Variants in MFSD11 observed in about 807,000 individuals in gnomAD.
The protein encoded by MFSD11 is UNC93-like protein MFSD11.
In MFSD11, 36 loss-of-function variants were observed where a neutral mutation model predicts 53.5. That is an observed-to-expected ratio of 0.67 (90% CI 0.52 to 0.89). The LOEUF is 0.89. MFSD11 is among the 40% of genes least tolerant of loss of function. MFSD11 has a pLI of 0.00. For synonymous variants in MFSD11, 186 were observed against 184.9 expected (o/e 1.01, Z -0.05); for missense variants, 530 against 543.9 (o/e 0.97, Z 0.25).
chr17:76,771,273 TC>T (rs1414887060), intron 10 of MFSD11, among the ~76,000 whole-genome samples: 1 of 152,198 alleles, frequency 6.6e-6, no homozygotes, highest in Non-Finnish European at 1.5e-5. Context: ...ATAACTAATG[TC>T]CCTCGTATCA....
At chr17:76,779,950 G>C (rs1009140622), downstream of MFSD11, among the ~76,000 whole-genome samples, 2 of 152,184 alleles carry the variant, frequency 1.3e-5, no homozygotes, top group African/African-American at 4.8e-5. Context: ...CATCAGGCCA[G>C]TGTCACACCG....
At chr17:76,779,554 A>G (rs544321630), downstream of MFSD11, among the ~76,000 whole-genome samples, 2 of 151,976 alleles carry the variant, frequency 1.3e-5, no homozygotes, top group Non-Finnish European at 2.9e-5. Flanking sequence ...GCGTGATCTC[A>G]GCTCACTGCA....
At chr17:76,792,110 A>G in the MFSD11 span, among the ~76,000 whole-genome samples, 1 of 138,398 alleles carries the variant, frequency 7.2e-6, no homozygotes, top group African/African-American at 2.9e-5. Flanking sequence ...GTGCTTACCT[A>G]CATACCAGGC....
intron 8 of MFSD11, among the ~76,000 whole-genome samples, chr17:76,762,155 C>G (rs995901642): frequency 6.6e-6 from 1 of 152,106 alleles, no homozygotes; most frequent in Non-Finnish European, 1.5e-5. Flanking sequence ...ACCCATTCCT[C>G]TACTTTGTCT....
downstream of MFSD11, among the ~76,000 whole-genome samples, chr17:76,784,770 G>A (rs1309795726): frequency 1.3e-5 from 2 of 152,006 alleles, no homozygotes; most frequent in Admixed American, 1.3e-4. Context: ...ATGGTGGCAT[G>A]TGCCTGTAAT....
At chr17:76,769,975 C>G (rs1336777940) in intron 10 of MFSD11, 104 bp downstream of exon 10, 1 of 1,005,730 alleles carries the variant, frequency 9.9e-7, no homozygotes, top group East Asian at 2.9e-5. Context: ...TCTGTTTTTT[C>G]TACTTATTTT....
chr17:76,744,550 A>T, intron 7 of MFSD11, 84 bp downstream of exon 7: 1 of 1,239,282 alleles, frequency 8.1e-7, no homozygotes, highest in Non-Finnish European at 1.1e-6. Flanking sequence ...GTTTAGCCCT[A>T]ACTGATGTCC....
chr17:76,788,994 T>C, the MFSD11 span, among the ~76,000 whole-genome samples: 1 of 149,096 alleles, frequency 6.7e-6, no homozygotes, highest in East Asian at 2.0e-4. Flanking sequence ...ATATAAAAAT[T>C]AGCTGGGCAT....
At chr17:76,777,225 G>A (rs1245928383) in intron 12 of MFSD11, among the ~76,000 whole-genome samples, 2 of 147,444 alleles carry the variant, frequency 1.4e-5, no homozygotes, top group South Asian at 2.1e-4. Context: ...CCCAGACCGC[G>A]CCACTGCACT....
At chr17:76,787,325 C>T in the MFSD11 span, among the ~76,000 whole-genome samples, 113 of 145,236 alleles carry the variant, frequency 7.8e-4, 6 homozygotes, top group African/African-American at 2.6e-3. Flanking sequence ...TTAGTAGAGA[C>T]GGGGTTTCGC....
At chr17:76,748,134 C>T (rs1464096634) in intron 7 of MFSD11, 2 of 151,714 alleles carry the variant, frequency 1.3e-5, no homozygotes, top group African/African-American at 4.9e-5. Flanking sequence ...CTCCCTGAGA[C>T]GTGGCTGGTG....
intron 8 of MFSD11, among the ~76,000 whole-genome samples, chr17:76,759,978 C>T (rs774482028): frequency 4.6e-5 from 7 of 151,448 alleles, no homozygotes; most frequent in Admixed American, 3.3e-4. Context: ...TTAAGAAAAT[C>T]GTAAGGAGAC....
At chr17:76,803,625 T>G in the MFSD11 span, among the ~76,000 whole-genome samples, 1 of 152,046 alleles carries the variant, frequency 6.6e-6, no homozygotes, top group Non-Finnish European at 1.5e-5. Flanking sequence ...ACCTGGGAAT[T>G]GACTCCAGCA....
intron 7 of MFSD11, among the ~76,000 whole-genome samples, chr17:76,746,569 T>A (rs1203526840): frequency 2.0e-5 from 3 of 152,228 alleles, no homozygotes; most frequent in Non-Finnish European, 4.4e-5. Context: ...TGTTAGGGGA[T>A]AATGCAGCTA....
chr17:76,781,678 A>G (rs375432408), downstream of MFSD11, among the ~76,000 whole-genome samples: 1 of 152,170 alleles, frequency 6.6e-6, no homozygotes, highest in Non-Finnish European at 1.5e-5. Flanking sequence ...AAGCCATGGC[A>G]TCTTGTCACC....
the MFSD11 span, among the ~76,000 whole-genome samples, chr17:76,788,533 T>C: frequency 6.7e-6 from 1 of 148,922 alleles, no homozygotes; most frequent in African/African-American, 2.5e-5. Context: ...GCCCGGCTAA[T>C]TTTTGTATTT....
chr17:76,750,141 T>G (rs1039740581), intron 7 of MFSD11, among the ~76,000 whole-genome samples: 1 of 152,088 alleles, frequency 6.6e-6, no homozygotes, highest in Non-Finnish European at 1.5e-5. Context: ...GATTTGCAGC[T>G]GAATTATTGT....
chr17:76,736,999 G>A (rs773650940), upstream of MFSD11: 11 of 1,613,368 alleles, frequency 6.8e-6, no homozygotes, highest in Non-Finnish European at 9.3e-6. Flanking sequence ...CGAAGCCGCG[G>A]GACTCCTTGG....
At chr17:76,767,331 G>T (rs373744157) in intron 8 of MFSD11, 55 bp from the exon 9 acceptor site, 6 of 1,095,996 alleles carry the variant, frequency 5.5e-6, no homozygotes, top group Middle Eastern at 2.3e-4. Context: ...GTTTTAGAAT[G>T]TTTGTTTTAT....
Sources: gnomAD v4.1 joint callset for allele counts (sites outside exome capture counted in the v4.1 genomes callset) on GRCh38, gnomAD v4.1.1 for gene constraint, MANE v1.5 for transcripts, NCBI Gene and HGNC (gene_info 2026-07-23, HGNC 2026-07-21) for gene names.